IGDCC3: variants seen among roughly 807,000 people sequenced by gnomAD.
IGDCC3 encodes the protein putative neuronal cell adhesion molecule.
IGDCC3 carries 47 observed loss-of-function variants against 72.0 expected under a neutral mutation model. That is an observed-to-expected ratio of 0.65 (90% confidence interval 0.52 to 0.83). The LOEUF is 0.83. Ranked by LOEUF, IGDCC3 falls within the 40% of genes least tolerant of loss-of-function variation. IGDCC3 has a pLI of 0.00. For missense variants in IGDCC3, 1,038 were observed against 1,091.3 expected, an observed-to-expected ratio of 0.95 and a Z score of 0.69; for synonymous variants, 477 against 472.8, an observed-to-expected ratio of 1.01 and a Z score of -0.11.
chr15:65,331,768 G>T, intron 7 of IGDCC3, 109 bp from the exon 8 acceptor site: 2 of 1,422,290 alleles, frequency 1.4e-6, no homozygotes, highest in Non-Finnish European at 9.4e-7. Context: ...AACGACTTGT[G>T]TGAGGTCTCC....
intron 2 of IGDCC3, among the ~76,000 whole-genome samples, chr15:65,365,663 G>T (rs988123381): frequency 1.5e-5 from 2 of 132,784 alleles, no homozygotes; most frequent in African/African-American, 5.9e-5. Flanking sequence ...TATCTTCCCA[G>T]TCTCTCTCCT....
chr15:65,362,200 T>G (rs562084408), intron 2 of IGDCC3, among the ~76,000 whole-genome samples: 6 of 151,758 alleles, frequency 4.0e-5, no homozygotes, highest in African/African-American at 7.3e-5. Flanking sequence ...AACTTTACAA[T>G]TGGGAAGGGA....
At chr15:65,355,656 T>TTTCCCCCCC in intron 2 of IGDCC3, 1 of 211,730 alleles carries the variant, frequency 4.7e-6, no homozygotes, top group Non-Finnish European at 9.7e-6. Context: ...GACGCGGGCG[T>TTTCCCCCCC]CCCGCCCCCC....
chr15:65,366,136 AG>A (rs2091287172), intron 2 of IGDCC3, among the ~76,000 whole-genome samples: 1 of 141,438 alleles, frequency 7.1e-6, no homozygotes, highest in Non-Finnish European at 1.5e-5. Context: ...TGAACCCGGG[AG>A]GTGGAGGTTG....
intron 2 of IGDCC3, among the ~76,000 whole-genome samples, chr15:65,343,133 A>G (rs1345698087): frequency 1.3e-5 from 2 of 152,184 alleles, no homozygotes; most frequent in Non-Finnish European, 2.9e-5. Context: ...GGGGGATTCA[A>G]TGAGCTATGT....
At position 65,334,798 on chromosome 15, in the gene IGDCC3, C is replaced by G. The variant is rs186953009; in HGVS notation, c.753G>C (p.Val251=). 10 of 1,612,500 alleles carry G rather than the reference C, an allele frequency of 6.2e-6. No individual in the cohort carries two copies. In the African/African-American group the frequency reaches 9.3e-5, roughly 15 times the overall value. The stretch of plus-strand genomic sequence containing the variant: ...CACACTCAAGCACCGCGGTCTGGTG[C>G]ACTGTCAGGGTGAGGTTCTCAGGCC... ...LVGPENLTLT[V]HQTAVLECVA... The change falls in exon 5 of 14, where the codon GTG becomes GTC. Residue 251 remains valine, a synonymous_variant. Transcript: ENST00000327987.
At chr15:65,357,111 C>T (rs966283762) in intron 2 of IGDCC3, among the ~76,000 whole-genome samples, 5 of 151,872 alleles carry the variant, frequency 3.3e-5, no homozygotes, top group Non-Finnish European at 5.9e-5. Context: ...CTCAGCCTCC[C>T]AAAGTGCTGG....
At chr15:65,355,760 G>A (rs774949684) in intron 2 of IGDCC3, 1 of 452,308 alleles carries the variant, frequency 2.2e-6, no homozygotes, top group Non-Finnish European at 4.4e-6. Context: ...ATCCGGCATT[G>A]TGCGCGGCGA....
chr15:65,355,738 G>A (rs1390365255), intron 2 of IGDCC3: 1 of 445,072 alleles, frequency 2.2e-6, no homozygotes, highest in Admixed American at 2.4e-5. Flanking sequence ...ACCACCGCGG[G>A]TGAATGAGAG....
At chr15:65,338,683 T>C (rs1272129330) in intron 2 of IGDCC3, among the ~76,000 whole-genome samples, 1 of 152,120 alleles carries the variant, frequency 6.6e-6, no homozygotes, top group African/African-American at 2.4e-5. Flanking sequence ...GTCCTGCATA[T>C]TCCTTAGGCG....
intron 2 of IGDCC3, among the ~76,000 whole-genome samples, chr15:65,352,707 A>C (rs2091182246): frequency 6.6e-6 from 1 of 152,212 alleles, no homozygotes; most frequent in Admixed American, 6.5e-5. Flanking sequence ...CATCAAAGCC[A>C]ATTTTAAAAG....
rs576188808 is a variant in IGDCC3, at chr15:65,334,927, C to T, written c.686-62G>A. The stretch of plus-strand genomic sequence containing the variant: ...GGGACTTTCCCGCTTCCTCACCCCA[C>T]CCACAGCCCAGGACACAGCGGGTGG... On this transcript the variant is annotated intron_variant, in intron 4 of 13. Transcript: ENST00000327987. 35 of 1,549,134 alleles carry T rather than the reference C, an allele frequency of 2.3e-5. 1 individual carries two copies. The South Asian group carries it at 3.6e-4, about 16-fold the overall frequency.
intron 5 of IGDCC3, 56 bp from the exon 6 acceptor site, chr15:65,333,471 G>T: frequency 6.8e-7 from 1 of 1,470,108 alleles, no homozygotes; most frequent in Non-Finnish European, 9.1e-7. Flanking sequence ...ATGGAAGAAG[G>T]AAAGTAAAGG....
At position 65,331,014 on chromosome 15, in the gene IGDCC3, G is replaced by A. The variant is rs368132098; in HGVS notation, c.1561+36C>T. The A allele has an allele frequency of 1.4e-5, 22 of 1,606,840 alleles. 1 individual carries two copies. The highest frequency in any genetic ancestry group is 1.9e-5 in the Non-Finnish European group (22 of 1,176,044). On this transcript the variant is annotated intron_variant, in intron 9 of 13. Transcript: ENST00000327987. Reference sequence around the variant, plus strand: ...GGTTCTGCTCTGATACCCTGAGTGAGTGCCTGTGGTTTTGTGCTCCACACC... The same window carrying A: ...GGTTCTGCTCTGATACCCTGAGTGAATGCCTGTGGTTTTGTGCTCCACACC...
At position 65,334,847 on chromosome 15, in the gene IGDCC3, T is replaced by A. The variant is rs200272420; in HGVS notation, c.704A>T (p.Tyr235Phe). The A allele has an allele frequency of 6.2e-7, 1 of 1,612,838 alleles. No individual in the cohort carries two copies. Among genetic ancestry groups the A allele is most frequent in the Non-Finnish European group, 8.5e-7 (1 of 1,179,560 alleles). ...CCCCACGAGGATGGCTGGCTCCTTG[T>A]AGGCCCCAGAGCCCGAGCCTGGGAG... ...LTVSGSGSGAYKEPAILVGPE... is the reference protein window; with the variant it reads ...LTVSGSGSGAFKEPAILVGPE... Residue 235 changes from tyrosine (Y) to phenylalanine (F), a missense_variant, in exon 5 of 14, where the codon TAC (tyrosine) becomes TTC (phenylalanine). By Grantham distance (22) the Tyr-to-Phe change is conservative. Transcript: ENST00000327987.
intron 2 of IGDCC3, among the ~76,000 whole-genome samples, chr15:65,360,637 AAAAGATCTGAG>A (rs1195620762): frequency 1.3e-5 from 2 of 152,266 alleles, no homozygotes; most frequent in Non-Finnish European, 1.5e-5. Context: ...AGATAGCAGA[AAAAGATCTGAG>A]AAGTGTTTGT....
intron 2 of IGDCC3, among the ~76,000 whole-genome samples, chr15:65,345,861 C>T (rs2091120423): frequency 1.3e-5 from 2 of 152,274 alleles, no homozygotes; most frequent in East Asian, 1.9e-4. Flanking sequence ...ACAGCCAGTC[C>T]GTGGTGTTAA....
In IGDCC3 at chr15:65,375,328, C is replaced by G; in HGVS notation, c.178G>C (p.Val60Leu). Residue 60 changes from valine to leucine, a missense_variant, in exon 2 of 14, where the codon GTG (valine) becomes CTG (leucine). By Grantham distance (32) the Val-to-Leu change is conservative. Coordinates refer to ENST00000327987, the MANE Select transcript of IGDCC3 (RefSeq NM_004884.4). The part of the protein sequence containing the change: ...DDVAVPGQPI[V>L]LDCRVEGTPP... ...GTCCCCTCCACCCTGCAGTCCAGCA[C>G]TATAGGCTGCCCGGGGACGGCAACA... The G allele has an allele frequency of 1.2e-6, 2 of 1,613,220 alleles. No individual in the cohort carries two copies. Among genetic ancestry groups the G allele is most frequent in the Non-Finnish European group, 1.7e-6 (2 of 1,179,258 alleles).
chr15:65,375,119 C>T lies in IGDCC3; in HGVS notation c.387G>A (p.Arg129=), dbSNP rs1259210744. 12 of 1,613,248 alleles carry T rather than the reference C, an allele frequency of 7.4e-6. No homozygotes were observed. Among genetic ancestry groups the T allele is most frequent in the Non-Finnish European group, 9.3e-6 (11 of 1,179,398 alleles). ...AQNRFGLVVS[R]KARIQAATMS... is the part of the protein sequence containing the mutation. ...TACTTGCAGCTTGGATGCGAGCCTT[C>T]CGGCTGACCACCAGCCCAAAGCGGT... The change falls in exon 2 of 14, where the codon CGG becomes CGA. Residue 129 remains arginine (R), a synonymous_variant. Coordinates refer to ENST00000327987, the MANE Select transcript of IGDCC3 (RefSeq NM_004884.4).
Sources: gnomAD v4.1 joint callset for allele counts (sites outside exome capture counted in the v4.1 genomes callset) on GRCh38, gnomAD v4.1.1 for gene constraint, MANE v1.5 for transcripts, NCBI Gene and HGNC (gene_info 2026-07-23, HGNC 2026-07-21) for gene names.